DPP6: variants seen among roughly 807,000 people sequenced by gnomAD.
DPP6 encodes dipeptidyl peptidase like 6, also known as A-type potassium channel modulatory protein DPP6.
A neutral mutation model predicts 122.6 loss-of-function variants in DPP6; 69 were observed. The ratio of observed to expected loss-of-function variants is 0.56; its 90% CI spans 0.46 to 0.69. DPP6 has a LOEUF of 0.69. DPP6 is among the 30% of genes least tolerant of loss of function. DPP6 has a pLI of 0.00. For missense variants in DPP6, 928 were observed against 1,116.9 expected (o/e 0.83, Z 2.41); for synonymous variants, 418 against 433.1 (o/e 0.97, Z 0.43).
intron 14 of DPP6, among the ~76,000 whole-genome samples, chr7:154,804,328 T>C (rs1798563106): frequency 6.6e-6 from 1 of 152,198 alleles, no homozygotes; most frequent in Non-Finnish European, 1.5e-5. Flanking sequence ...TTTACTGCTT[T>C]CCCCATTTTA....
rs147445914 is a variant in DPP6 at position 154,862,839 on chromosome 7, A to T, written c.1715-5156A>T. On this transcript the variant is annotated intron_variant, in intron 17 of 25. Coordinates refer to ENST00000377770, the MANE Select transcript of DPP6 (RefSeq NM_130797.4). ...GCTTAAAATCTGGCTGGAGGAAAAA[A>T]GATATGGCAAAAAGAATAATAGTTG... is the stretch of plus-strand genomic sequence containing the variant. Among the ~76,000 whole-genome samples the T allele has an allele frequency of 1.5e-3, 236 of 152,388 alleles. 3 individuals are homozygous for T. Among genetic ancestry groups the T allele is most frequent in the African/African-American group, 5.3e-3 (222 of 41,598 alleles).
At chr7:154,453,062 T>C (rs1426928858) in intron 2 of DPP6, among the ~76,000 whole-genome samples, 1 of 152,202 alleles carries the variant, frequency 6.6e-6, no homozygotes, top group Non-Finnish European at 1.5e-5. Context: ...GTATGCCTTT[T>C]GTTAGCAGCT....
At chr7:154,278,925 G>T (rs977948014) in intron 1 of DPP6, among the ~76,000 whole-genome samples, 1 of 151,796 alleles carries the variant, frequency 6.6e-6, no homozygotes, top group East Asian at 1.9e-4. Context: ...GTATGTATGT[G>T]TATGTATGTG....
rs1052413600 is a variant in DPP6, at chr7:154,618,636, C to T, written c.628-19185C>T. Reference sequence around the variant, plus strand: ...CGCACAGGATCGCTAGAAGCCGGGGCCACAGCCCAGCTTCCACCCTCCTGA... The same window carrying T: ...CGCACAGGATCGCTAGAAGCCGGGGTCACAGCCCAGCTTCCACCCTCCTGA... On this transcript the variant is annotated intron_variant, in intron 5 of 25. Transcript: ENST00000377770. This position sits in a 1 kb window ranked among gnomAD's most constrained non-coding sequence, Gnocchi z 4.1. 3.3e-5 allele frequency among the ~76,000 whole-genome samples: 5 copies of T among 152,288 alleles called. No individual in the cohort carries two copies. Among genetic ancestry groups the T allele is most frequent in the African/African-American group, 1.2e-4 (5 of 41,566 alleles).
intron 1 of DPP6, among the ~76,000 whole-genome samples, chr7:154,011,071 C>A (rs1214919212): frequency 1.3e-5 from 2 of 152,206 alleles, no homozygotes; most frequent in Non-Finnish European, 2.9e-5. Context: ...TAACATAATA[C>A]CCCTATCCCT....
At chr7:154,525,001 TG>T (rs1827288443) in intron 3 of DPP6, among the ~76,000 whole-genome samples, 1 of 152,212 alleles carries the variant, frequency 6.6e-6, no homozygotes. Flanking sequence ...GACAAAAATC[TG>T]GGTGTCTAGG....
At chr7:153,783,887 C>T in the DPP6 span, among the ~76,000 whole-genome samples, 2 of 152,178 alleles carry the variant, frequency 1.3e-5, no homozygotes. Context: ...TCGAAGTAGA[C>T]TGGACAAATG....
At chr7:153,822,925 A>G in the DPP6 span, among the ~76,000 whole-genome samples, 1 of 152,218 alleles carries the variant, frequency 6.6e-6, no homozygotes, top group East Asian at 1.9e-4. Flanking sequence ...GGTGCTTAAG[A>G]CAATCTTAAC....
chr7:153,976,456 A>G (rs887884771), intron 1 of DPP6, among the ~76,000 whole-genome samples: 1 of 152,214 alleles, frequency 6.6e-6, no homozygotes, highest in African/African-American at 2.4e-5. Flanking sequence ...TTTCAGTCTT[A>G]TTATCCCTCC....
the DPP6 span, among the ~76,000 whole-genome samples, chr7:153,798,083 C>G: frequency 0.03 from 4,559 of 151,996 alleles, 81 homozygotes; most frequent in African/African-American, 0.048. Flanking sequence ...ACCTCCTGAT[C>G]CGCCCGCCTC....
rs201106195 is a variant in DPP6 at position 154,041,758 on chromosome 7, TG to T, written c.51+154025del. Among the ~76,000 whole-genome samples, 75 of 149,828 alleles carry T rather than the reference TG, an allele frequency of 5.0e-4. 1 individual carries two copies. Among genetic ancestry groups the T allele is most frequent in the African/African-American group, 1.7e-3 (67 of 39,688 alleles). On this transcript the variant is annotated intron_variant, in intron 1 of 25. Coordinates refer to the DPP6 transcript ENST00000404039. ...CCCTTCTTCTCATGTTTGTTTTTTT[TG>T]TTGTTTGTTTGTTTGAGACAGAGTC... is the stretch of plus-strand genomic sequence containing the variant.
At chr7:154,119,207 T>C (rs1190258976) in intron 1 of DPP6, among the ~76,000 whole-genome samples, 1 of 152,176 alleles carries the variant, frequency 6.6e-6, no homozygotes, top group Non-Finnish European at 1.5e-5. Flanking sequence ...GCCATGAGAC[T>C]TGGGAGGTGA....
chr7:154,337,966 G>A (rs1182905855), intron 1 of DPP6, among the ~76,000 whole-genome samples: 1 of 152,212 alleles, frequency 6.6e-6, no homozygotes, highest in Admixed American at 6.5e-5. Flanking sequence ...CAGGCCACAG[G>A]AGAAGGTGAC....
intron 3 of DPP6, among the ~76,000 whole-genome samples, chr7:154,509,821 AAGAC>A (rs1413097519): frequency 2.6e-5 from 4 of 152,186 alleles, no homozygotes; most frequent in African/African-American, 4.8e-5. Flanking sequence ...TGAAAACTGT[AAGAC>A]AGTCACAAAT....
At chr7:154,075,310 A>T (rs373085961) in intron 1 of DPP6, among the ~76,000 whole-genome samples, 1 of 152,176 alleles carries the variant, frequency 6.6e-6, no homozygotes, top group Non-Finnish European at 1.5e-5. Flanking sequence ...CTGTGTATCT[A>T]TCTACCCAGC....
At chr7:154,642,185 C>A (rs566326703) in intron 6 of DPP6, among the ~76,000 whole-genome samples, 1 of 152,286 alleles carries the variant, frequency 6.6e-6, no homozygotes, top group East Asian at 1.9e-4. Flanking sequence ...TTAGACCCTG[C>A]AGCCACATAG....
chr7:154,876,060 C>T lies in DPP6; in HGVS notation c.2038C>T (p.Leu680=), dbSNP rs1804821803. 6.2e-7 allele frequency: 1 copy of T among 1,608,312 alleles called. No individual in the cohort carries two copies. The highest frequency in any genetic ancestry group is 1.7e-5 in the Admixed American group (1 of 59,876). ...TKLLHEVRRR[L]GLLEEKDQME... is the part of the protein sequence containing the mutation. ...GCTCCTGCACGAAGTGAGGCGGCGGCTGGGCTTGCTGGAGGAGAAGGACCA... is the reference window on the plus strand; with the variant it reads ...GCTCCTGCACGAAGTGAGGCGGCGGTTGGGCTTGCTGGAGGAGAAGGACCA... The change falls in exon 20 of 26, where the codon CTG becomes TTG. Residue 680 remains leucine (L), a synonymous_variant. Coordinates refer to ENST00000377770, the MANE Select transcript of DPP6 (RefSeq NM_130797.4).
intron 1 of DPP6, among the ~76,000 whole-genome samples, chr7:154,086,953 A>G (rs1212472025): frequency 2.0e-5 from 3 of 152,152 alleles, no homozygotes; most frequent in Non-Finnish European, 4.4e-5. Context: ...ACCCACACAT[A>G]TAACATTACA....
intron 1 of DPP6, among the ~76,000 whole-genome samples, chr7:154,291,675 C>G (rs1805220957): frequency 6.6e-6 from 1 of 152,176 alleles, no homozygotes. Context: ...TAAGATTGAC[C>G]TGACTCATTT....
Sources: gnomAD v4.1 joint callset for allele counts (sites outside exome capture counted in the v4.1 genomes callset) on GRCh38, gnomAD v4.1.1 for gene constraint, Gnocchi (gnomAD v3.1) non-coding constraint, MANE v1.5 for transcripts, NCBI Gene and HGNC (gene_info 2026-07-23, HGNC 2026-07-21) for gene names.